Variants in FLVCR2 observed in about 807,000 individuals in gnomAD.
FLVCR2 encodes choline/ethanolamine transporter FLVCR2.
Under a neutral mutation model 48.9 loss-of-function variants are expected in FLVCR2, and 38 were observed. The observed-to-expected ratio is 0.78, with a 90% CI of 0.60 to 1.02. The LOEUF (loss-of-function observed/expected upper bound fraction) is 1.02, where lower values mean the gene tolerates loss of function less well. Ranked by LOEUF, FLVCR2 falls within the 50% of genes least tolerant of loss-of-function variation. FLVCR2 has a pLI of 0.00. For synonymous variants in FLVCR2, 255 were observed against 257.0 expected, an observed-to-expected ratio of 0.99 and a Z score of 0.07; for missense variants, 664 against 663.3, an observed-to-expected ratio of 1.00 and a Z score of -0.01.
rs763881648 is a variant in FLVCR2, at chr14:75,641,046, A to T, written c.1327A>T (p.Asn443Tyr). ...ESEGISSGLLNISAQVFGIIF... is the reference protein window; with the variant it reads ...ESEGISSGLLYISAQVFGIIF... ...AGAAGGCATCTCCTCCGGCCTCCTC[A>T]ACATATCTGCACAGGTAGAGCTCGT... Residue 443 changes from asparagine (N) to tyrosine (Y), a missense_variant, in exon 7 of 10, where the codon AAC becomes TAC. Asn to Tyr is a moderately radical substitution (Grantham distance 143). Transcript: ENST00000238667. 5.5e-5 allele frequency: 88 copies of T among 1,613,270 alleles called. No homozygotes were observed. Among genetic ancestry groups the T allele is most frequent in the Non-Finnish European group, 7.4e-5 (87 of 1,179,342 alleles).
Position 75,634,915 on chromosome 14 carries a change from A to C in FLVCR2, c.1026A>C (p.Glu342Asp), listed in dbSNP as rs757932378. 2.5e-6 allele frequency: 4 copies of C among 1,611,458 alleles called. No homozygotes were observed. The South Asian group carries it at 3.3e-5, about 13-fold the overall frequency. Residue 342 changes from glutamate (E) to aspartate (D), a missense_variant, in exon 5 of 10, where the codon GAA becomes GAC. Coordinates refer to ENST00000238667, the MANE Select transcript of FLVCR2 (RefSeq NM_017791.3). ...TGGGGTTATGGTTTCCCCAGGGGGA[A>C]GAAGTGAATGCTGGAAGAATTGGCC... Reference protein sequence around the residue: ...NRMVIWHYPGEEVNAGRIGLT... With the variant: ...NRMVIWHYPGDEVNAGRIGLT...
At chr14:75,616,026 CA>C (rs10629813) in intron 1 of FLVCR2, among the ~76,000 whole-genome samples, 38 of 25,628 alleles carry the variant, frequency 1.5e-3, no homozygotes, top group South Asian at 0.01. Context: ...GACTCCATCT[CA>C]AAAAAAAAAA....
intron 6 of FLVCR2, among the ~76,000 whole-genome samples, chr14:75,639,782 C>G (rs1196912749): frequency 1.3e-5 from 2 of 152,204 alleles, no homozygotes; most frequent in African/African-American, 4.8e-5. Flanking sequence ...ACCAGAGACT[C>G]TGGGTCCTGG....
chr14:75,633,667 C>G lies in FLVCR2; in HGVS notation c.991C>G (p.Leu331Val). 6.2e-7 allele frequency: 1 copy of G among 1,614,096 alleles called. No individual in the cohort carries two copies. Among genetic ancestry groups the G allele is most frequent in the Non-Finnish European group, 8.5e-7 (1 of 1,179,916 alleles). ...TGCTTTTTATGCCTTGTCCACTCTT[C>G]TGAATCGCATGGTGATCTGGCACTA... ...AGAFYALSTL[L>V]NRMVIWHYPG... The change falls in exon 4 of 10, where the codon CTG becomes GTG. Residue 331 changes from leucine (L) to valine (V), a missense_variant. Physicochemically the swap from Leu to Val is conservative, Grantham distance 32 (BLOSUM62 1). Coordinates refer to ENST00000238667, the MANE Select transcript of FLVCR2 (RefSeq NM_017791.3).
In FLVCR2 at chr14:75,626,766, A is replaced by G. The variant is rs1889910921; in HGVS notation, c.952+2014A>G. ...AGATGGCCTTTGGGGGCCCTTCTAG[A>G]CTCAGGATTCCATGACTCTAAGAGC... On this transcript the variant is annotated intron_variant, in intron 3 of 9. Coordinates refer to ENST00000238667, the MANE Select transcript of FLVCR2 (RefSeq NM_017791.3). Among the ~76,000 whole-genome samples, 3 of 151,968 alleles carry G rather than the reference A, an allele frequency of 2.0e-5. No individual in the cohort carries two copies. In the South Asian group the frequency reaches 6.2e-4, roughly 32 times the overall value.
intron 1 of FLVCR2, among the ~76,000 whole-genome samples, chr14:75,584,022 C>T (rs550495225): frequency 6.6e-5 from 10 of 152,234 alleles, no homozygotes; most frequent in East Asian, 5.8e-4. Context: ...TAGGAGTGGC[C>T]GCGATGTGAG....
At chr14:75,636,538 G>T (rs1394611204) in intron 5 of FLVCR2, among the ~76,000 whole-genome samples, 1 of 152,190 alleles carries the variant, frequency 6.6e-6, no homozygotes, top group Admixed American at 6.5e-5. Context: ...GCAGCCGGAT[G>T]ATTCAGATGA....
chr14:75,636,217 T>TA (rs1208168485), intron 5 of FLVCR2, among the ~76,000 whole-genome samples: 1 of 152,184 alleles, frequency 6.6e-6, no homozygotes, highest in African/African-American at 2.4e-5. Context: ...GCAGACCTGT[T>TA]CTCTGCCACA....
In FLVCR2 at chr14:75,578,841, C is replaced by T; in HGVS notation, c.-132C>T. The T allele has an allele frequency of 1.2e-6, 1 of 833,296 alleles. No homozygotes were observed. The highest frequency in any genetic ancestry group is 2.0e-6 in the Non-Finnish European group (1 of 509,514). The allele number at this position is 833,296 out of a possible 1,614,324, so 51.6% of individuals were successfully genotyped here. ...GGAAGCCCCACTTGAGGCTTTTACG[C>T]AGCCTCTAGTCTCTGTTTCTTCTGG... On this transcript the variant is annotated 5_prime_UTR_variant, in exon 1 of 10. Transcript: ENST00000238667.
rs745584677 is a variant in FLVCR2, at chr14:75,641,264, T to C, written c.1424T>C (p.Val475Ala). 4 of 1,614,050 alleles carry C rather than the reference T, an allele frequency of 2.5e-6. No homozygotes were observed. The highest frequency in any genetic ancestry group is 3.4e-6 in the Non-Finnish European group (4 of 1,179,964). ...AAGCCTGGGAACATCTTCCTGTGTGTGTTCCTTACTCTTGGAGCAGCCCTC... is the reference window on the plus strand; with the variant it reads ...AAGCCTGGGAACATCTTCCTGTGTGCGTTCCTTACTCTTGGAGCAGCCCTC... ...GTKPGNIFLCVFLTLGAALTA... is the reference protein window; with the variant it reads ...GTKPGNIFLCAFLTLGAALTA... The change falls in exon 8 of 10, where the codon GTG becomes GCG. Residue 475 changes from valine to alanine, a missense_variant. Transcript: ENST00000238667.
intron 3 of FLVCR2, among the ~76,000 whole-genome samples, chr14:75,629,245 G>A (rs369217379): frequency 2.0e-5 from 3 of 152,154 alleles, no homozygotes; most frequent in East Asian, 3.9e-4. Context: ...ATATAAATAT[G>A]TCTTATGCAA....
At chr14:75,602,933 A>G in intron 1 of FLVCR2, among the ~76,000 whole-genome samples, 1 of 152,202 alleles carries the variant, frequency 6.6e-6, no homozygotes. Context: ...CCTCATCCAC[A>G]TCAGCCTTTA....
At chr14:75,616,115 G>A (rs1328198194) in intron 1 of FLVCR2, among the ~76,000 whole-genome samples, 1 of 149,918 alleles carries the variant, frequency 6.7e-6, no homozygotes, top group African/African-American at 2.5e-5. Flanking sequence ...GAGATGGGAA[G>A]ACCACTTGAG....
chr14:75,601,829 G>A (rs1273203452), intron 1 of FLVCR2, among the ~76,000 whole-genome samples: 1 of 152,130 alleles, frequency 6.6e-6, no homozygotes, highest in Non-Finnish European at 1.5e-5. Context: ...GTGTATGTAT[G>A]TGTGTATATA....
intron 3 of FLVCR2, among the ~76,000 whole-genome samples, chr14:75,631,475 C>T (rs1594811890): frequency 6.6e-6 from 1 of 152,226 alleles, no homozygotes; most frequent in Non-Finnish European, 1.5e-5. Context: ...CTGTTCAGGA[C>T]TCTGTTCCCC....
chr14:75,620,477 G>A (rs1300181439), intron 1 of FLVCR2, among the ~76,000 whole-genome samples: 2 of 152,200 alleles, frequency 1.3e-5, no homozygotes, highest in African/African-American at 4.8e-5. Context: ...TATTGGGTTT[G>A]TAATTATAAT....
rs552179438 is a variant in FLVCR2, at chr14:75,579,491, G to A, written c.519G>A (p.Lys173=). The A allele has an allele frequency of 8.7e-6, 14 of 1,612,992 alleles. No individual in the cohort carries two copies. The East Asian group carries it at 2.9e-4, about 33-fold the overall frequency. ...CCTGGGTGAAGCTGGGCAGCCTGAA[G>A]CCGCATCTCTTTCCGGTCACCGTGG... ...LGAWVKLGSL[K]PHLFPVTVVG... is the part of the protein sequence containing the mutation. The change falls in exon 1 of 10, where the codon AAG becomes AAA. Residue 173 remains lysine (K), a synonymous_variant. Coordinates refer to ENST00000238667, the MANE Select transcript of FLVCR2 (RefSeq NM_017791.3).
chr14:75,613,459 C>T (rs1186690570), intron 1 of FLVCR2, among the ~76,000 whole-genome samples: 1 of 152,126 alleles, frequency 6.6e-6, no homozygotes, highest in Non-Finnish European at 1.5e-5. Flanking sequence ...CTAAACCATT[C>T]ATGAGAAATC....
At chr14:75,644,366 C>T (rs897992055) in intron 9 of FLVCR2, among the ~76,000 whole-genome samples, 1 of 152,332 alleles carries the variant, frequency 6.6e-6, no homozygotes, top group African/African-American at 2.4e-5. Context: ...ACCACAACCT[C>T]ATGTCTACTG....
Sources: gnomAD v4.1 joint callset for allele counts (sites outside exome capture counted in the v4.1 genomes callset) on GRCh38, gnomAD v4.1.1 for gene constraint, MANE v1.5 for transcripts, NCBI Gene and HGNC (gene_info 2026-07-23, HGNC 2026-07-21) for gene names.